RNF41: variants seen among roughly 807,000 people sequenced by gnomAD.
The protein encoded by RNF41 is ring finger protein 41.
In RNF41, 4 loss-of-function variants were observed where a neutral mutation model predicts 33.0. The ratio of observed to expected loss-of-function variants is 0.12; its 90% CI spans 0.06 to 0.28. RNF41 has a LOEUF of 0.28. Among genes scored for constraint, RNF41 ranks in the 10% least tolerant of loss-of-function variants. RNF41 has a pLI of 1.00. For missense variants in RNF41, 228 were observed against 432.6 expected (o/e 0.53, Z 4.19); for synonymous variants, 164 against 153.2 (o/e 1.07, Z -0.52).
In RNF41 at chr12:56,208,928, G is replaced by A. The variant is rs548230472; in HGVS notation, c.363-630C>T. On this transcript the variant is annotated intron_variant, in intron 4 of 6. Coordinates refer to ENST00000345093, the MANE Select transcript of RNF41 (RefSeq NM_005785.4). ...CACCCAGGCTGGAGTGCAATGGCAC[G>A]GTCTCAGCTCACTGCAACCTCCGCC... Among the ~76,000 whole-genome samples, 20 of 144,682 alleles carry A rather than the reference G, an allele frequency of 1.4e-4. No individual in the cohort carries two copies. In the South Asian group the frequency reaches 3.7e-3, roughly 27 times the overall value. 94.9% of individuals were successfully genotyped at this position (144,682 alleles called of 152,430 possible). A position where few individuals can be genotyped will look rare whatever the true frequency, so the allele number is the denominator to read the frequency against.
intron 1 of RNF41, among the ~76,000 whole-genome samples, chr12:56,217,233 G>T (rs995501445): frequency 6.6e-6 from 1 of 151,432 alleles, no homozygotes; most frequent in Admixed American, 6.6e-5. Flanking sequence ...CAGTAATAAT[G>T]ATTCCAAATC....
intron 1 of RNF41, among the ~76,000 whole-genome samples, chr12:56,218,338 C>T: frequency 6.6e-6 from 1 of 152,038 alleles, no homozygotes; most frequent in Non-Finnish European, 1.5e-5. Flanking sequence ...TAGCTCACTA[C>T]AGCCTCGCCT....
intron 6 of RNF41, chr12:56,207,346 C>A (rs938308232): frequency 3.3e-6 from 4 of 1,211,826 alleles, no homozygotes; most frequent in Non-Finnish European, 4.5e-6. Flanking sequence ...TTCTTTTTGG[C>A]CCTCCTAGCA....
chr12:56,214,625 T>C (rs1312143079), intron 2 of RNF41, among the ~76,000 whole-genome samples: 1 of 151,624 alleles, frequency 6.6e-6, no homozygotes, highest in Non-Finnish European at 1.5e-5. Flanking sequence ...GGTCAGGAGT[T>C]CAAGACCAGC....
At position 56,215,341 on chromosome 12, in the gene RNF41, G is replaced by A. The variant is rs191543770; in HGVS notation, c.-24+1088C>T. ...TTTTAGAATCAGTATGTTAACAGGG[G>A]AGAAACTGGAGACCGGAAGAACATC... On this transcript the variant is annotated intron_variant, in intron 2 of 6. Transcript: ENST00000345093. Among the ~76,000 whole-genome samples the A allele has an allele frequency of 5.4e-4, 82 of 152,244 alleles. No individual in the cohort carries two copies. The South Asian group carries it at 6.6e-3, about 12-fold the overall frequency.
intron 2 of RNF41, among the ~76,000 whole-genome samples, chr12:56,215,194 G>C (rs1213634727): frequency 6.6e-6 from 1 of 152,228 alleles, no homozygotes; most frequent in African/African-American, 2.4e-5. Flanking sequence ...CCTGTCAAGA[G>C]ACAAGGCTGG....
intron 1 of RNF41, among the ~76,000 whole-genome samples, chr12:56,219,919 A>C (rs892522789): frequency 1.3e-5 from 2 of 151,632 alleles, no homozygotes; most frequent in Non-Finnish European, 2.9e-5. Context: ...GAGGAGGCTG[A>C]AGGGGGAAGG....
chr12:56,212,146 T>C (rs1251755788), intron 3 of RNF41, among the ~76,000 whole-genome samples: 1 of 152,100 alleles, frequency 6.6e-6, no homozygotes, highest in Non-Finnish European at 1.5e-5. Flanking sequence ...CACAAATACA[T>C]ATATATGCAG....
At chr12:56,218,671 G>A (rs925602199) in intron 1 of RNF41, among the ~76,000 whole-genome samples, 3 of 148,970 alleles carry the variant, frequency 2.0e-5, no homozygotes, top group Non-Finnish European at 4.4e-5. Context: ...TTAATATAAG[G>A]TATATATAAT....
rs1448777679 is a variant in RNF41 at position 56,203,220 on chromosome 12, T to C, written c.*3227A>G. On this transcript the variant is annotated 3_prime_UTR_variant, in exon 7 of 7. Transcript: ENST00000345093. ...TTTTTTTTGAGACAGGCTCTTGCTC[T>C]GTCACCAGGCTGGAGTGCAGTGGCA... 1 of 152,096 alleles carries C rather than the reference T, an allele frequency of 6.6e-6. No homozygotes were observed. The highest frequency in any genetic ancestry group is 2.4e-5 in the African/African-American group (1 of 41,368). 9.4% of individuals were successfully genotyped at this position (152,096 alleles called of 1,614,324 possible).
In RNF41 at chr12:56,204,591, G is replaced by A. The variant is rs1263175775; in HGVS notation, c.*1856C>T. On this transcript the variant is annotated 3_prime_UTR_variant, in exon 7 of 7. Coordinates refer to ENST00000345093, the MANE Select transcript of RNF41 (RefSeq NM_005785.4). ...CAACCAGCAACCTGCAGAGACACTA[G>A]TGCAAAGGGTAGGGAAGCCTTTCAC... is the stretch of plus-strand genomic sequence containing the variant. The A allele has an allele frequency of 6.5e-6, 1 of 152,698 alleles. No homozygotes were observed. The highest frequency in any genetic ancestry group is 1.5e-5 in the Non-Finnish European group (1 of 68,134). 9.5% of individuals were successfully genotyped at this position (152,698 alleles called of 1,614,324 possible).
chr12:56,212,562 G>C (rs1868558695), intron 3 of RNF41, among the ~76,000 whole-genome samples: 1 of 151,774 alleles, frequency 6.6e-6, no homozygotes, highest in Non-Finnish European at 1.5e-5. Flanking sequence ...GCCCTGCCAG[G>C]GTGAGGAGGG....
At position 56,206,439 on chromosome 12, in the gene RNF41, G is replaced by A. The variant is rs751165179; in HGVS notation, c.*8C>T. ...TTCCATCTCTTCCTGATAGCCAGTC[G>A]AGTTCTCTTATATCTCTTCCACGCC... On this transcript the variant is annotated 3_prime_UTR_variant, in exon 7 of 7. Transcript: ENST00000345093. This position sits in a 1 kb window ranked among gnomAD's most constrained non-coding sequence, Gnocchi z 5.7. 3.1e-6 allele frequency: 5 copies of A among 1,595,026 alleles called. No homozygotes were observed. Among genetic ancestry groups the A allele is most frequent in the South Asian group, 2.2e-5 (2 of 89,096 alleles).
rs774953461 is a variant in RNF41, at chr12:56,207,725, C to T, written c.523G>A (p.Ala175Thr). The T allele has an allele frequency of 6.2e-7, 1 of 1,614,016 alleles. No individual in the cohort carries two copies. Among genetic ancestry groups the T allele is most frequent in the East Asian group, 2.2e-5 (1 of 44,890 alleles). ...ACACTGCGGATTGCACGCATGTATG[C>T]CTTTAGCAGCTGGATGTCTCGCTTC... ...EQKRDIQLLK[A>T]YMRAIRSVNP... The change falls in exon 6 of 7, where the codon GCA (alanine) becomes ACA (threonine). Residue 175 changes from alanine to threonine, a missense_variant. Ala to Thr is a moderately conservative substitution (Grantham distance 58). Coordinates refer to ENST00000345093, the MANE Select transcript of RNF41 (RefSeq NM_005785.4).
At position 56,206,803 on chromosome 12, in the gene RNF41, G is replaced by A. The variant is rs1868274422; in HGVS notation, c.603-5C>T. On this transcript the variant is annotated splice_region_variant and splice_polypyrimidine_tract_variant and intron_variant, in intron 6 of 6. Coordinates refer to ENST00000345093, the MANE Select transcript of RNF41 (RefSeq NM_005785.4). The surrounding 1 kb of genome is among the most constrained non-coding windows in gnomAD (Gnocchi z 5.7). Reference sequence around the variant, plus strand: ...GGCTGAAGGGAGTTCACCCACCTGTGTGGAGGTGGTTAAAGATGGTCATTC... The same window carrying A: ...GGCTGAAGGGAGTTCACCCACCTGTATGGAGGTGGTTAAAGATGGTCATTC... 1.9e-6 allele frequency: 3 copies of A among 1,600,960 alleles called. No homozygotes were observed. In the East Asian group the frequency reaches 6.7e-5, roughly 36 times the overall value.
intron 1 of RNF41, among the ~76,000 whole-genome samples, chr12:56,216,867 G>T (rs1015638640): frequency 5.3e-5 from 8 of 152,206 alleles, no homozygotes; most frequent in African/African-American, 1.9e-4. Flanking sequence ...GAGGCCGGGC[G>T]TGGTGGCTCA....
In RNF41 at chr12:56,206,240, G is replaced by A; in HGVS notation, c.*207C>T. ...CTGATAATTTATAGACATTTTAGGG[G>A]AATATGGCAAAGGGAGGAAATCTGG... is the stretch of plus-strand genomic sequence containing the variant. On this transcript the variant is annotated 3_prime_UTR_variant, in exon 7 of 7. Coordinates refer to ENST00000345093, the MANE Select transcript of RNF41 (RefSeq NM_005785.4). The surrounding 1 kb of genome is among the most constrained non-coding windows in gnomAD (Gnocchi z 5.7). 1.8e-6 allele frequency: 1 copy of A among 568,672 alleles called. No individual in the cohort carries two copies. Among genetic ancestry groups the A allele is most frequent in the Non-Finnish European group, 3.1e-6 (1 of 321,336 alleles). 35.2% of individuals were successfully genotyped at this position (568,672 alleles called of 1,614,324 possible).
In RNF41 at chr12:56,206,989, C is replaced by T. The variant is rs906789914; in HGVS notation, c.603-191G>A. On this transcript the variant is annotated intron_variant, in intron 6 of 6. Transcript: ENST00000345093. This position sits in a 1 kb window ranked among gnomAD's most constrained non-coding sequence, Gnocchi z 5.7. ...CAACTGAGTCACCACATGTTACTCA[C>T]CAGATTAAATTCCACAAGTCTGCAC... 2.6e-5 allele frequency among the ~76,000 whole-genome samples: 4 copies of T among 152,178 alleles called. No homozygotes were observed. Among genetic ancestry groups the T allele is most frequent in the African/African-American group, 9.7e-5 (4 of 41,444 alleles).
intron 1 of RNF41, among the ~76,000 whole-genome samples, chr12:56,217,985 G>A (rs1394012541): frequency 3.3e-5 from 5 of 151,998 alleles, no homozygotes; most frequent in Non-Finnish European, 5.9e-5. Flanking sequence ...ATAGAGTCTC[G>A]CTCTGTCACC....
Sources: gnomAD v4.1 joint callset for allele counts (sites outside exome capture counted in the v4.1 genomes callset) on GRCh38, gnomAD v4.1.1 for gene constraint, Gnocchi (gnomAD v3.1) non-coding constraint, MANE v1.5 for transcripts, NCBI Gene and HGNC (gene_info 2026-07-23, HGNC 2026-07-21) for gene names.